FNDC3B: variants seen among roughly 807,000 people sequenced by gnomAD.
FNDC3B encodes the protein fibronectin type III domain-containing protein 3B.
A neutral mutation model predicts 151.5 loss-of-function variants in FNDC3B; 12 were observed. That is an observed-to-expected ratio of 0.08 (90% confidence interval 0.05 to 0.13). The LOEUF is 0.13. FNDC3B is among the 10% of genes least tolerant of loss of function. FNDC3B has a pLI of 1.00. For synonymous variants in FNDC3B, 528 were observed against 549.0 expected (o/e 0.96, Z 0.54); for missense variants, 1,214 against 1,505.3 (o/e 0.81, Z 3.20).
intron 3 of FNDC3B, among the ~76,000 whole-genome samples, chr3:172,169,956 T>A (rs1723206978): frequency 6.6e-6 from 1 of 152,190 alleles, no homozygotes; most frequent in Non-Finnish European, 1.5e-5. Flanking sequence ...CTCCAACATA[T>A]CAATTTAAGC....
chr3:172,158,074 A>C (rs1444067888), intron 3 of FNDC3B, among the ~76,000 whole-genome samples: 2 of 152,158 alleles, frequency 1.3e-5, no homozygotes, highest in Admixed American at 1.3e-4. Context: ...TTCACCAGGC[A>C]TTGAATCTGC....
At chr3:172,125,210 G>A (rs1453468924) in intron 2 of FNDC3B, among the ~76,000 whole-genome samples, 4 of 152,210 alleles carry the variant, frequency 2.6e-5, no homozygotes, top group Non-Finnish European at 5.9e-5. Context: ...AGGTGGCAGT[G>A]CCTCTGGCTC....
In FNDC3B at chr3:172,224,371, A is replaced by T. The variant is rs1302794878; in HGVS notation, c.188-2500A>T. Among the ~76,000 whole-genome samples, 3 of 152,186 alleles carry T rather than the reference A, an allele frequency of 2.0e-5. No individual in the cohort carries two copies. In the East Asian group the frequency reaches 5.8e-4, roughly 29 times the overall value. On this transcript the variant is annotated intron_variant, in intron 3 of 25. Coordinates refer to ENST00000415807, the MANE Select transcript of FNDC3B (RefSeq NM_022763.4). ...TATGCCATTCTCTTCTTTTGCTTTAAATTATTGCCAATGTGTTAGCATGTG... is the reference window on the plus strand; with the variant it reads ...TATGCCATTCTCTTCTTTTGCTTTATATTATTGCCAATGTGTTAGCATGTG...
chr3:172,127,129 A>C (rs1720845667), intron 2 of FNDC3B: 1 of 454,844 alleles, frequency 2.2e-6, no homozygotes, highest in South Asian at 1.6e-5. Flanking sequence ...ATTTTTCTTG[A>C]GACTGTAATT....
intron 16 of FNDC3B, 51 bp from the exon 17 acceptor site, chr3:172,341,062 T>C (rs766654407): frequency 4.2e-6 from 5 of 1,203,366 alleles, no homozygotes; most frequent in South Asian, 2.4e-5. Flanking sequence ...ATGGCTGATA[T>C]GCTACATTTT....
At chr3:172,124,842 C>T (rs1720731737) in intron 2 of FNDC3B, among the ~76,000 whole-genome samples, 1 of 152,174 alleles carries the variant, frequency 6.6e-6, no homozygotes, top group Non-Finnish European at 1.5e-5. Flanking sequence ...TTGGGGAGGG[C>T]TTACGAGGTG....
At chr3:172,182,070 C>T in intron 3 of FNDC3B, among the ~76,000 whole-genome samples, 1 of 152,194 alleles carries the variant, frequency 6.6e-6, no homozygotes. Flanking sequence ...TTGTCAACAG[C>T]AGTGACTGCT....
At position 172,344,033 on chromosome 3, in the gene FNDC3B, G is replaced by A. The variant is rs1274902728; in HGVS notation, c.2078-53G>A. On this transcript the variant is annotated intron_variant, in intron 18 of 25. Coordinates refer to ENST00000415807, the MANE Select transcript of FNDC3B (RefSeq NM_022763.4). ...ACTTGTGTGAAATCTGGTGCACTTT[G>A]GTCAACTGGAAGCACAAAGTGTTCT... 14 of 1,529,362 alleles carry A rather than the reference G, an allele frequency of 9.2e-6. No homozygotes were observed. In the East Asian group the frequency reaches 2.1e-4, roughly 23 times the overall value. The allele number at this position is 1,529,362 out of a possible 1,614,324, so 94.7% of individuals were successfully genotyped here. A position where few individuals can be genotyped will look rare whatever the true frequency, so the allele number is the denominator to read the frequency against.
chr3:172,053,237 T>C (rs1289510714), intron 1 of FNDC3B, among the ~76,000 whole-genome samples: 1 of 152,202 alleles, frequency 6.6e-6, no homozygotes, highest in Non-Finnish European at 1.5e-5. Context: ...CCATAAGTGT[T>C]TATTGAGTGA....
At chr3:172,313,223 A>T (rs1169398644) in intron 11 of FNDC3B, among the ~76,000 whole-genome samples, 1 of 152,108 alleles carries the variant, frequency 6.6e-6, no homozygotes, top group Non-Finnish European at 1.5e-5. Flanking sequence ...CACTTTCTAG[A>T]CATCTCCTGC....
chr3:172,366,835 G>A (rs1390348108), intron 23 of FNDC3B, among the ~76,000 whole-genome samples: 1 of 152,202 alleles, frequency 6.6e-6, no homozygotes, highest in Non-Finnish European at 1.5e-5. Flanking sequence ...TTGGGATGGA[G>A]ACTAGTGATG....
At chr3:172,244,306 T>C (rs1405656228) in intron 4 of FNDC3B, among the ~76,000 whole-genome samples, 1 of 151,848 alleles carries the variant, frequency 6.6e-6, no homozygotes, top group Non-Finnish European at 1.5e-5. Context: ...TGAAGGCATA[T>C]TTTTTTTGCC....
At chr3:172,045,046 A>T (rs1324560889) in intron 1 of FNDC3B, among the ~76,000 whole-genome samples, 2 of 152,248 alleles carry the variant, frequency 1.3e-5, no homozygotes, top group African/African-American at 4.8e-5. Context: ...TGGTGTCACA[A>T]GGGATTAATG....
rs941182279 is a variant in FNDC3B at position 172,399,808 on chromosome 3, G to A, written c.*2333G>A. 1 of 147,832 alleles carries A rather than the reference G, an allele frequency of 6.8e-6. No homozygotes were observed. The highest frequency in any genetic ancestry group is 6.9e-5 in the Admixed American group (1 of 14,486). 9.2% of individuals were successfully genotyped at this position (147,832 alleles called of 1,614,324 possible). On this transcript the variant is annotated 3_prime_UTR_variant, in exon 26 of 26. Coordinates refer to ENST00000415807, the MANE Select transcript of FNDC3B (RefSeq NM_022763.4). ...TTTTTTGAAACACTTCAGAACTGCT[G>A]CTATAAAGAAATTCTCTAATTGGTT... is the stretch of plus-strand genomic sequence containing the variant.
chr3:172,244,320 G>C (rs1727660772), intron 4 of FNDC3B, among the ~76,000 whole-genome samples: 1 of 152,014 alleles, frequency 6.6e-6, no homozygotes, highest in Non-Finnish European at 1.5e-5. Context: ...TTTTGCCTCA[G>C]GTGTTTTGGA....
At chr3:172,206,684 A>AAAAAAAAAAAG (rs1553772985) in intron 3 of FNDC3B, among the ~76,000 whole-genome samples, 7 of 139,454 alleles carry the variant, frequency 5.0e-5, no homozygotes, top group African/African-American at 1.7e-4. Context: ...AAAAAAAAAA[A>AAAAAAAAAAAG]AAAGTATATT....
chr3:172,386,641 C>G (rs1464405627), intron 25 of FNDC3B, among the ~76,000 whole-genome samples: 1 of 151,138 alleles, frequency 6.6e-6, no homozygotes, highest in Non-Finnish European at 1.5e-5. Flanking sequence ...ACTTGGGAGG[C>G]TGAGGCAGGA....
chr3:172,344,333 C>T, intron 19 of FNDC3B, 75 bp downstream of exon 19: 1 of 1,385,426 alleles, frequency 7.2e-7, no homozygotes, highest in Non-Finnish European at 9.7e-7. Context: ...ACTTCTGTCT[C>T]TAGCCTCCTG....
At chr3:172,143,728 G>A (rs979891109) in intron 3 of FNDC3B, among the ~76,000 whole-genome samples, 3 of 151,918 alleles carry the variant, frequency 2.0e-5, no homozygotes, top group African/African-American at 7.3e-5. Context: ...GGCCAACATG[G>A]TGAAACCTTG....
Sources: allele counts gnomAD v4.1 joint callset (sites outside exome capture counted in the v4.1 genomes callset), GRCh38; gene constraint gnomAD v4.1.1; transcripts MANE v1.5; gene names NCBI Gene and HGNC (gene_info 2026-07-23, HGNC 2026-07-21).